The following ATP8B4 variants were observed in gnomAD, a reference collection of about 807,000 sequenced individuals.
The protein encoded by ATP8B4 is probable phospholipid-transporting ATPase IM.
Under a neutral mutation model 145.6 loss-of-function variants are expected in ATP8B4, and 133 were observed. The observed-to-expected ratio is 0.91, with a 90% CI of 0.79 to 1.05. The LOEUF is 1.05. Ranked by LOEUF, ATP8B4 falls within the 50% of genes least tolerant of loss-of-function variation. The pLI is 0.00. For missense variants in ATP8B4, 1,458 were observed against 1,425.2 expected, an observed-to-expected ratio of 1.02 and a Z score of -0.37; for synonymous variants, 507 against 492.9, an observed-to-expected ratio of 1.03 and a Z score of -0.38.
chr15:49,966,586 GGAAATCTCT>G (rs2044563446), intron 13 of ATP8B4, among the ~76,000 whole-genome samples: 1 of 152,190 alleles, frequency 6.6e-6, no homozygotes, highest in Non-Finnish European at 1.5e-5. Context: ...TCTCTGGGCA[GGAAATCTCT>G]GAAAGAAAGG....
chr15:49,980,353 T>A (rs924093491), intron 11 of ATP8B4, among the ~76,000 whole-genome samples: 1 of 152,152 alleles, frequency 6.6e-6, no homozygotes, highest in African/African-American at 2.4e-5. Flanking sequence ...ATAGGGTACA[T>A]GGGAAAACAT....
At position 50,072,924 on chromosome 15, in the gene ATP8B4, CTCTCTCTCT is replaced by C. The variant is rs1567305695; in HGVS notation, c.87+1194_87+1202del. Among the ~76,000 whole-genome samples, 74 of 10,542 alleles carry C rather than the reference CTCTCTCTCT, an allele frequency of 7.0e-3. 1 individual carries two copies. The highest frequency in any genetic ancestry group is 0.038 in the Middle Eastern group (1 of 26). 6.9% of individuals were successfully genotyped at this position (10,542 alleles called of 152,430 possible). A position where few individuals can be genotyped will look rare whatever the true frequency, so the allele number is the denominator to read the frequency against. ...AGGCATGAGTCACTGTGCCCGGCCT[CTCTCTCTCT>C]CTCTCTCTCTCTCTCTCTCTCTCTC... On this transcript the variant is annotated intron_variant, in intron 3 of 27. Coordinates refer to ENST00000284509, the MANE Select transcript of ATP8B4 (RefSeq NM_024837.4).
chr15:50,033,839 T>G (rs1469837015), intron 6 of ATP8B4, among the ~76,000 whole-genome samples: 1 of 152,180 alleles, frequency 6.6e-6, no homozygotes, highest in African/African-American at 2.4e-5. Context: ...CTGTGTTAAT[T>G]TACTTAGGAT....
chr15:49,979,511 G>A, intron 12 of ATP8B4, 106 bp downstream of exon 12: 1 of 927,602 alleles, frequency 1.1e-6, no homozygotes, highest in Non-Finnish European at 1.5e-6. Flanking sequence ...ATCATAAGCA[G>A]TTAAGAGCAA....
chr15:50,000,483 T>C (rs2153559612), intron 8 of ATP8B4, among the ~76,000 whole-genome samples: 1 of 152,306 alleles, frequency 6.6e-6, no homozygotes, highest in South Asian at 2.1e-4. Flanking sequence ...TTATTTGCCA[T>C]TTGTACGTCC....
At chr15:49,995,614 C>G (rs1389601383) in intron 9 of ATP8B4, among the ~76,000 whole-genome samples, 2 of 152,070 alleles carry the variant, frequency 1.3e-5, no homozygotes, top group Non-Finnish European at 2.9e-5. Context: ...GCAATAGGAG[C>G]TCTAAGCTCT....
chr15:50,047,597 G>C, intron 3 of ATP8B4, 133 bp from the exon 4 acceptor site: 1 of 640,098 alleles, frequency 1.6e-6, no homozygotes. Flanking sequence ...ACTCTGTGTG[G>C]CTCAAGGCCT....
chr15:50,141,653 C>T (rs571719677), intron 1 of ATP8B4, among the ~76,000 whole-genome samples: 11 of 151,994 alleles, frequency 7.2e-5, no homozygotes, highest in East Asian at 1.9e-4. Flanking sequence ...GTGAAGGAGC[C>T]GCACTGTGCA....
intron 1 of ATP8B4, among the ~76,000 whole-genome samples, chr15:50,118,134 T>TAATAAACGATATAGATATAAACGATAA (rs2057208179): frequency 9.2e-5 from 14 of 152,286 alleles, no homozygotes; most frequent in Middle Eastern, 3.4e-3. Flanking sequence ...TTTTTATTTA[T>TAATAAACGATATAGATATAAACGATAA]AATAAACGAT....
At chr15:50,007,001 G>C (rs2048350258) in intron 7 of ATP8B4, among the ~76,000 whole-genome samples, 1 of 151,988 alleles carries the variant, frequency 6.6e-6, no homozygotes, top group Non-Finnish European at 1.5e-5. Flanking sequence ...ATTATACTCT[G>C]CATTTTTCCT....
At chr15:49,900,965 G>A (rs1260227601) in intron 21 of ATP8B4, 127 bp downstream of exon 21, 37 of 1,182,968 alleles carry the variant, frequency 3.1e-5, no homozygotes, top group South Asian at 5.6e-5. Flanking sequence ...GGAAATCATC[G>A]CATATGCCCT....
At chr15:49,910,834 AG>A (rs1275858915) in intron 20 of ATP8B4, among the ~76,000 whole-genome samples, 2 of 152,150 alleles carry the variant, frequency 1.3e-5, no homozygotes, top group African/African-American at 4.8e-5. Context: ...GGGGAAATAA[AG>A]TCTTTCCCAG....
chr15:50,155,578 T>C (rs1042462642), intron 1 of ATP8B4, among the ~76,000 whole-genome samples: 2 of 152,152 alleles, frequency 1.3e-5, no homozygotes, highest in African/African-American at 4.8e-5. Context: ...GGTTAATTAG[T>C]ATATATTTTA....
rs551499734 is a variant in ATP8B4, at chr15:49,901,548, C to T, written c.2142-309G>A. On this transcript the variant is annotated intron_variant, in intron 20 of 27. Coordinates refer to ENST00000284509, the MANE Select transcript of ATP8B4 (RefSeq NM_024837.4). Reference sequence around the variant, plus strand: ...CTAGGGGATCTTGATAGATTTGGTACTTAAGACTGTCTGAGCTTCAAGGGC... The same window carrying T: ...CTAGGGGATCTTGATAGATTTGGTATTTAAGACTGTCTGAGCTTCAAGGGC... 2.0e-5 allele frequency among the ~76,000 whole-genome samples: 3 copies of T among 152,250 alleles called. No individual in the cohort carries two copies. In the South Asian group the frequency reaches 6.2e-4, roughly 32 times the overall value.
At chr15:50,091,253 G>A (rs1394472216) in intron 2 of ATP8B4, among the ~76,000 whole-genome samples, 1 of 152,116 alleles carries the variant, frequency 6.6e-6, no homozygotes, top group Non-Finnish European at 1.5e-5. Context: ...ACAATACTCA[G>A]CCTAATACAG....
chr15:50,138,333 GATAGATAGATAGA>G (rs1567402963), intron 1 of ATP8B4, among the ~76,000 whole-genome samples: 506 of 38,012 alleles, frequency 0.013, 7 homozygotes, highest in African/African-American at 0.02. Context: ...TAGGTAGATA[GATAGATAGATAGA>G]TAGATAGATA....
At chr15:50,029,107 C>T (rs2050224136) in intron 6 of ATP8B4, among the ~76,000 whole-genome samples, 1 of 151,872 alleles carries the variant, frequency 6.6e-6, no homozygotes, top group Admixed American at 6.6e-5. Flanking sequence ...GTGGCACACG[C>T]CTGTAGTCCC....
At chr15:50,153,625 CTG>C (rs2044375829) in intron 1 of ATP8B4, among the ~76,000 whole-genome samples, 1 of 135,768 alleles carries the variant, frequency 7.4e-6, no homozygotes, top group Non-Finnish European at 1.6e-5. Flanking sequence ...GCATGAGCCA[CTG>C]CGCCCAGCCT....
chr15:49,982,227 T>C (rs1201161233), intron 10 of ATP8B4, among the ~76,000 whole-genome samples: 3 of 152,036 alleles, frequency 2.0e-5, no homozygotes, highest in African/African-American at 7.2e-5. Flanking sequence ...GGCACATCCT[T>C]AAAAGACTTT....
Sources: allele counts gnomAD v4.1 joint callset (sites outside exome capture counted in the v4.1 genomes callset), GRCh38; gene constraint gnomAD v4.1.1; transcripts MANE v1.5; gene names NCBI Gene and HGNC (gene_info 2026-07-23, HGNC 2026-07-21).